Variants in IRS4 observed in about 807,000 individuals in gnomAD.
The protein encoded by IRS4 is 160 kDa phosphotyrosine protein.
Under a neutral mutation model 48.6 loss-of-function variants are expected in IRS4, and 15 were observed. The ratio of observed to expected loss-of-function variants is 0.31; its 90% confidence interval spans 0.21 to 0.48. IRS4 has a LOEUF of 0.48. Ranked by LOEUF, IRS4 falls within the 20% of genes least tolerant of loss-of-function variation. The pLI, the probability that IRS4 is intolerant of heterozygous loss-of-function variation, is 0.99. For synonymous variants in IRS4, 459 were observed against 413.2 expected (o/e 1.11, Z -1.34); for missense variants, 987 against 1,023.4 (o/e 0.96, Z 0.49).
rs367737899 is a variant in IRS4 at position 108,736,252 on chromosome X, G to C, written c.93C>G (p.Thr31=). The C allele has an allele frequency of 9.1e-6, 11 of 1,210,964 alleles. No homozygotes were observed. The highest frequency in any genetic ancestry group is 1.2e-5 in the Non-Finnish European group (11 of 895,335). ...AAAAALAAVV[T]TPLLSSGTPT... is the part of the protein sequence containing the mutation. ...GGGTTCCCGAGGAAAGAAGCGGGGT[G>C]GTCACCACTGCTGCTAGAGCTGCCG... Residue 31 remains threonine (T), a synonymous_variant, in exon 1 of 2, where the codon ACC becomes ACG. Transcript: ENST00000372129.
At chrX:108,722,567 G>A (rs2068859627) in intron 1 of IRS4, 44 bp from the exon 2 acceptor site, 1 of 318,283 alleles carries the variant, frequency 3.1e-6, no homozygotes, top group Non-Finnish European at 6.1e-6. Flanking sequence ...CAGAATTAAT[G>A]TGGAGAGCTG....
chrX:108,730,292 C>T (rs2068893767), intron 1 of IRS4, among the ~76,000 whole-genome samples: 1 of 109,570 alleles, frequency 9.1e-6, no homozygotes. Flanking sequence ...TGTTTCACCA[C>T]CATCAACACC....
In IRS4 at chrX:108,732,576, G is replaced by A. The variant is rs28473027; in HGVS notation, c.3766+3C>T. On this transcript the variant is annotated splice_donor_region_variant and intron_variant, in intron 1 of 1. Transcript: ENST00000372129. ...TAGGGAAATTAATTCTAAAATTACC[G>A]ACCTCTTTTGGGAGAGTCGAACTGA... The A allele has an allele frequency of 9.1e-6, 11 of 1,208,296 alleles. No homozygotes were observed. The Admixed American group carries it at 2.4e-4, about 26-fold the overall frequency.
At position 108,733,636 on chromosome X, in the gene IRS4, T is replaced by G; in HGVS notation, c.2709A>C (p.Pro903=). 1 of 1,211,925 alleles carries G rather than the reference T, an allele frequency of 8.3e-7. No individual in the cohort carries two copies. The highest frequency in any genetic ancestry group is 1.1e-6 in the Non-Finnish European group (1 of 895,579). ...GCTCATGTGTGGGCTTTTGTGGTTT[T>G]GGCTTGATTTTATATCCTTTTGTAA... ...SFITKGYKIK[P]KPQKPTHEQR... The change falls in exon 1 of 2, where the codon CCA becomes CCC. Residue 903 remains proline, a synonymous_variant. Coordinates refer to ENST00000372129, the MANE Select transcript of IRS4 (RefSeq NM_001379150.1).
At chrX:108,722,738 A>G in intron 1 of IRS4, 1 of 211,476 alleles carries the variant, frequency 4.7e-6, no homozygotes, top group East Asian at 1.1e-4. Context: ...ACACAAGGGC[A>G]GTTATTCTTC....
Position 108,735,722 on chromosome X carries a change from G to C in IRS4, c.623C>G (p.Thr208Arg), listed in dbSNP as rs749875762. The change falls in exon 1 of 2, where the codon ACG (threonine) becomes AGG (arginine). Residue 208 changes from threonine to arginine, a missense_variant. Transcript: ENST00000372129. Reference sequence around the variant, plus strand: ...CTCTCCGTCCGGCTGCGCGCCGAGCGTGCCGCAGCGGCGGCGCTTGCTCTC... The same window carrying C: ...CTCTCCGTCCGGCTGCGCGCCGAGCCTGCCGCAGCGGCGGCGCTTGCTCTC... Reference protein sequence around the residue: ...ILESKRRRCGTLGAQPDGEPA... With the variant: ...ILESKRRRCGRLGAQPDGEPA... The C allele has an allele frequency of 8.5e-6, 10 of 1,177,682 alleles. No individual in the cohort carries two copies. The highest frequency in any genetic ancestry group is 1.1e-5 in the Non-Finnish European group (10 of 880,244).
rs748608993 is a variant in IRS4, at chrX:108,735,660, G to A, written c.685C>T (p.Pro229Ser). 2.5e-6 allele frequency: 3 copies of A among 1,193,006 alleles called. No homozygotes were observed. In the Admixed American group the frequency reaches 6.7e-5, roughly 27 times the overall value. ...ACCTGCCACACATCTTTATAGAAGG[G>A]TGGCTCCGCCGCCGCTGCCGCCGCC... Reference protein sequence around the residue: ...ALAAAAAAEPPFYKDVWQVIV... With the variant: ...ALAAAAAAEPSFYKDVWQVIV... The change falls in exon 1 of 2, where the codon CCC becomes TCC. Residue 229 changes from proline to serine, a missense_variant. Pro to Ser is a moderately conservative substitution (Grantham distance 74, BLOSUM62 -1). Around this residue, in one of 4 missense-constraint regions of IRS4, gnomAD observed 173 missense variants for 208.9 expected, o/e 0.83. Transcript: ENST00000372129.
Position 108,736,357 on chromosome X carries a change from T to C in IRS4, c.-13A>G, listed in dbSNP as rs1239388868. The C allele has an allele frequency of 8.3e-7, 1 of 1,208,810 alleles. No individual in the cohort carries two copies. Among genetic ancestry groups the C allele is most frequent in the Non-Finnish European group, 1.1e-6 (1 of 894,965 alleles). ...AGCAACTCGCCATGGTGATGCACGA[T>C]GGTTTTAAGGTGAGCGAGGAGGAGG... On this transcript the variant is annotated 5_prime_UTR_variant, in exon 1 of 2. Transcript: ENST00000372129.
In IRS4 at chrX:108,722,047, C is replaced by A; in HGVS notation, c.*472G>T. On this transcript the variant is annotated 3_prime_UTR_variant, in exon 2 of 2. Transcript: ENST00000372129. ...CTCGGAAAAAAGATTCCAGATCATA[C>A]CTTCCTTCCAATTATGACAGCTGTT... 1 of 113,203 alleles carries A rather than the reference C, an allele frequency of 8.8e-6. No homozygotes were observed. Among genetic ancestry groups the A allele is most frequent in the Non-Finnish European group, 1.9e-5 (1 of 53,359 alleles). 9.3% of individuals were successfully genotyped at this position (113,203 alleles called of 1,213,427 possible).
intron 1 of IRS4, 66 bp downstream of exon 1, chrX:108,732,513 T>A (rs748200762): frequency 4.1e-6 from 5 of 1,208,699 alleles, no homozygotes; most frequent in East Asian, 3.0e-5. Context: ...CACTGTAGAC[T>A]GTAGCGCATC....
chrX:108,732,672 G>C lies in IRS4; in HGVS notation c.3673C>G (p.Pro1225Ala), dbSNP rs766232142. The C allele has an allele frequency of 8.3e-7, 1 of 1,209,912 alleles. No individual in the cohort carries two copies. Among genetic ancestry groups the C allele is most frequent in the East Asian group, 3.0e-5 (1 of 33,721 alleles). ...TTGTCAGAATCTTCTCTCTCCGGGGGTCTTGGCACCCGGCGACTGCGAGGT... is the reference window on the plus strand; with the variant it reads ...TTGTCAGAATCTTCTCTCTCCGGGGCTCTTGGCACCCGGCGACTGCGAGGT... ...PPPRSRRVPR[P>A]PEREDSDNDD... Residue 1225 changes from proline (P) to alanine (A), a missense_variant, in exon 1 of 2, where the codon CCC becomes GCC. Physicochemically the swap from Pro to Ala is conservative, Grantham distance 27. Around this residue, in one of 4 missense-constraint regions of IRS4, gnomAD observed 720 missense variants for 660.3 expected, o/e 1.09. Transcript: ENST00000372129.
chrX:108,729,994 T>C (rs945759790), intron 1 of IRS4, among the ~76,000 whole-genome samples: 2 of 112,019 alleles, frequency 1.8e-5, no homozygotes, highest in African/African-American at 6.5e-5. Context: ...TGCCAGGCAC[T>C]GTTCTAAGCA....
rs892803819 is a variant in IRS4 at position 108,721,286 on chromosome X, C to T, written c.*1233G>A. ...AAGCTTCAAGACCTTTGTACCTATT[C>T]TCTGTGGTCACCACCTTGCTAGTGT... On this transcript the variant is annotated 3_prime_UTR_variant, in exon 2 of 2. Transcript: ENST00000372129. The T allele has an allele frequency of 3.6e-5, 4 of 111,908 alleles. No individual in the cohort carries two copies. The highest frequency in any genetic ancestry group is 7.5e-5 in the Non-Finnish European group (4 of 53,155). 9.2% of individuals were successfully genotyped at this position (111,908 alleles called of 1,213,427 possible).
chrX:108,721,196 G>A lies in IRS4; in HGVS notation c.*1323C>T, dbSNP rs184090245. On this transcript the variant is annotated 3_prime_UTR_variant, in exon 2 of 2. Transcript: ENST00000372129. Reference sequence around the variant, plus strand: ...CAAACACACCCAACTGTGATATGATGAGGTTTGCCAATGATGGTACAGCAA... The same window carrying A: ...CAAACACACCCAACTGTGATATGATAAGGTTTGCCAATGATGGTACAGCAA... 8.9e-5 allele frequency: 10 copies of A among 111,990 alleles called. No individual in the cohort carries two copies. The highest frequency in any genetic ancestry group is 8.5e-4 in the Admixed American group (9 of 10,630). The allele number at this position is 111,990 out of a possible 1,213,427, so 9.2% of individuals were successfully genotyped here.
rs909426639 is a variant in IRS4 at position 108,732,732 on chromosome X, C to T, written c.3613G>A (p.Gly1205Arg). The T allele has an allele frequency of 3.3e-6, 4 of 1,211,282 alleles. No homozygotes were observed. Among genetic ancestry groups the T allele is most frequent in the East Asian group, 5.9e-5 (2 of 33,823 alleles). Reference protein sequence around the residue: ...NLARGDNQAGGAAAAAAAPEP... With the variant: ...NLARGDNQAGRAAAAAAAPEP... The stretch of plus-strand genomic sequence containing the variant: ...GGAGCGGCAGCTGCAGCGGCAGCCC[C>T]GCCAGCCTGGTTATCACCTCTGGCA... Residue 1205 changes from glycine (G) to arginine (R), a missense_variant, in exon 1 of 2, where the codon GGG becomes AGG. Physicochemically the swap from Gly to Arg is moderately radical, Grantham distance 125. This residue lies in a region of IRS4 where 720 missense variants were observed against 660.3 expected (regional missense o/e 1.09). Transcript: ENST00000372129.
chrX:108,730,298 A>T (rs760804620), intron 1 of IRS4, among the ~76,000 whole-genome samples: 1 of 105,786 alleles, frequency 9.5e-6, no homozygotes, highest in Non-Finnish European at 1.9e-5. Context: ...ACCACCATCA[A>T]CACCACCACC....
chrX:108,733,051 G>C lies in IRS4; in HGVS notation c.3294C>G (p.Ala1098=). 1 of 1,211,582 alleles carries C rather than the reference G, an allele frequency of 8.3e-7. No homozygotes were observed. Among genetic ancestry groups the C allele is most frequent in the South Asian group, 1.8e-5 (1 of 57,016 alleles). ...TGTCTGTTGGAAAAGCAGAGACAGC[G>C]GCTCTGGCTGCTGCAAAGAAACTTT... ...RSQSFFAAAR[A]AVSAFPTDSL... is the part of the protein sequence containing the mutation. Residue 1098 remains alanine, a synonymous_variant, in exon 1 of 2, where the codon GCC becomes GCG. Transcript: ENST00000372129.
At chrX:108,731,936 T>C (rs1337800092) in intron 1 of IRS4, among the ~76,000 whole-genome samples, 3 of 111,796 alleles carry the variant, frequency 2.7e-5, no homozygotes, top group African/African-American at 9.8e-5. Context: ...CACAAACACA[T>C]TCCAGAGCCA....
intron 1 of IRS4, among the ~76,000 whole-genome samples, chrX:108,729,853 GACTA>G (rs1322291573): frequency 2.7e-5 from 3 of 111,940 alleles, no homozygotes; most frequent in East Asian, 5.6e-4. Context: ...TGCAAGTAAA[GACTA>G]ACTGAAAAGT....
Sources: gnomAD v4.1 joint callset for allele counts (sites outside exome capture counted in the v4.1 genomes callset) on GRCh38, gnomAD v4.1.1 for gene constraint, gnomAD v4.1.1 regional missense constraint, MANE v1.5 for transcripts, NCBI Gene and HGNC (gene_info 2026-07-23, HGNC 2026-07-21) for gene names.